The following IWS1 variants were observed in gnomAD, a reference collection of about 807,000 sequenced individuals.
IWS1 encodes interacts with SUPT6H, CTD assembly factor 1, also known as protein IWS1 homolog.
IWS1 carries 27 observed loss-of-function variants against 86.7 expected under a neutral mutation model. The ratio of observed to expected loss-of-function variants is 0.31; its 90% CI spans 0.23 to 0.43. The LOEUF is 0.43. IWS1 is among the 20% of genes least tolerant of loss of function. The pLI is 1.00. For synonymous variants in IWS1, 313 were observed against 335.1 expected, an observed-to-expected ratio of 0.93 and a Z score of 0.72; for missense variants, 827 against 1,000.8, an observed-to-expected ratio of 0.83 and a Z score of 2.34.
chr2:127,489,416 T>A lies in IWS1; in HGVS notation c.2160-181A>T. 1.7e-6 allele frequency: 1 copy of A among 581,656 alleles called. No homozygotes were observed. Among genetic ancestry groups the A allele is most frequent in the African/African-American group, 1.9e-5 (1 of 53,118 alleles). The allele number at this position is 581,656 out of a possible 1,614,324, so 36.0% of individuals were successfully genotyped here. On this transcript the variant is annotated intron_variant, in intron 11 of 13. Transcript: ENST00000295321. The surrounding 1 kb of genome is among the most constrained non-coding windows in gnomAD (Gnocchi z 4.8). The stretch of plus-strand genomic sequence containing the variant: ...TTTTAGTATTCATTTGCATAACAGG[T>A]TTCCTTGTGGATGAGCCGTAATTGC...
rs36048775 is a variant in IWS1, at chr2:127,496,550, TACAC to T, written c.1566-406_1566-403del. 2.2e-3 allele frequency among the ~76,000 whole-genome samples: 309 copies of T among 140,420 alleles called. 2 individuals carry two copies. The highest frequency in any genetic ancestry group is 6.0e-3 in the African/African-American group (230 of 38,040). 92.1% of individuals were successfully genotyped at this position (140,420 alleles called of 152,430 possible). A position where few individuals can be genotyped will look rare whatever the true frequency, so the allele number is the denominator to read the frequency against. Reference sequence around the variant, plus strand: ...TAAACAGGTGTACCATATTTTATCATACACACACACACACACACACACACACACA... The same window carrying T: ...TAAACAGGTGTACCATATTTTATCATACACACACACACACACACACACACA... On this transcript the variant is annotated intron_variant, in intron 6 of 13. Coordinates refer to ENST00000295321, the MANE Select transcript of IWS1 (RefSeq NM_017969.3).
In IWS1 at chr2:127,489,238, G is replaced by GA. The variant is rs747473244; in HGVS notation, c.2160-4dup. ...TTCTGGGTGTCTGACCACCAGTGCT[G>GA]AAAAAAAAGTAAACAAGGAGATACC... On this transcript the variant is annotated splice_region_variant and splice_polypyrimidine_tract_variant and intron_variant, in intron 11 of 13. Coordinates refer to ENST00000295321, the MANE Select transcript of IWS1 (RefSeq NM_017969.3). The surrounding 1 kb of genome is among the most constrained non-coding windows in gnomAD (Gnocchi z 4.8). The GA allele has an allele frequency of 1.3e-5, 21 of 1,605,050 alleles. No homozygotes were observed. Among genetic ancestry groups the GA allele is most frequent in the East Asian group, 2.2e-5 (1 of 44,728 alleles).
intron 13 of IWS1, chr2:127,482,933 C>CA (rs1160949775): frequency 6.6e-6 from 1 of 151,596 alleles, no homozygotes; most frequent in Non-Finnish European, 1.5e-5. Flanking sequence ...AGACACAATG[C>CA]AAAACCACTC....
intron 1 of IWS1, 39 bp from the exon 2 acceptor site, chr2:127,523,830 G>A: frequency 7.4e-7 from 1 of 1,349,320 alleles, no homozygotes; most frequent in Non-Finnish European, 1.1e-6. Context: ...TATGGTGTAA[G>A]ATGAATGACA....
At chr2:127,487,196 A>G (rs2104657089) in intron 12 of IWS1, among the ~76,000 whole-genome samples, 1 of 152,368 alleles carries the variant, frequency 6.6e-6, no homozygotes, top group South Asian at 2.1e-4. Flanking sequence ...GTTGTAAAAA[A>G]TGATAGAGAG....
At chr2:127,516,424 A>G (rs1031863922) in intron 2 of IWS1, among the ~76,000 whole-genome samples, 2 of 152,228 alleles carry the variant, frequency 1.3e-5, no homozygotes, top group South Asian at 2.1e-4. Context: ...AATGAGAAAA[A>G]AAAGAGGACT....
At chr2:127,511,353 C>T (rs886076301) in intron 2 of IWS1, 14 of 152,138 alleles carry the variant, frequency 9.2e-5, no homozygotes, top group South Asian at 4.1e-4. Flanking sequence ...CTATCTATAC[C>T]GTAGAGGGCA....
At chr2:127,493,234 C>A (rs780759208) in intron 9 of IWS1, 47 bp downstream of exon 9, 3 of 1,561,976 alleles carry the variant, frequency 1.9e-6, no homozygotes, top group Admixed American at 3.7e-5. Flanking sequence ...ACCATACAGA[C>A]CACATTAGAT....
rs374163768 is a variant in IWS1 at position 127,507,260 on chromosome 2, A to G, written c.151-1508T>C. 7.2e-5 allele frequency among the ~76,000 whole-genome samples: 11 copies of G among 152,366 alleles called. No individual in the cohort carries two copies. In the East Asian group the frequency reaches 1.9e-3, roughly 27 times the overall value. ...AGTATGCTGTGTCTACAAATTCAAA[A>G]AGAATATGAAAAATTATAAAATAGC... On this transcript the variant is annotated intron_variant, in intron 2 of 13. Transcript: ENST00000295321.
At chr2:127,498,773 A>G (rs1349320852) in intron 5 of IWS1, 1 of 152,248 alleles carries the variant, frequency 6.6e-6, no homozygotes, top group Non-Finnish European at 1.5e-5. Context: ...TCACTACTAC[A>G]GCAAAGATAT....
chr2:127,525,163 G>T (rs1364140950), intron 1 of IWS1, among the ~76,000 whole-genome samples: 1 of 152,020 alleles, frequency 6.6e-6, no homozygotes, highest in Non-Finnish European at 1.5e-5. Context: ...GTCTCACTAT[G>T]TTGCCCAGGC....
intron 2 of IWS1, chr2:127,514,945 C>A (rs1691690416): frequency 6.6e-6 from 1 of 152,264 alleles, no homozygotes; most frequent in Non-Finnish European, 1.5e-5. Context: ...ACTGCTGACC[C>A]CAGAGGTTTC....
intron 6 of IWS1, among the ~76,000 whole-genome samples, chr2:127,497,850 G>A (rs1188840206): frequency 1.3e-5 from 2 of 152,088 alleles, no homozygotes; most frequent in African/African-American, 4.8e-5. Context: ...TCTCAAAAAG[G>A]TATTTTTAAA....
rs1573502481 is a variant in IWS1 at position 127,486,786 on chromosome 2, C to A, written c.2217-122G>T. On this transcript the variant is annotated intron_variant, in intron 12 of 13. Coordinates refer to ENST00000295321, the MANE Select transcript of IWS1 (RefSeq NM_017969.3). Reference sequence around the variant, plus strand: ...AGCTGCAATGTTCGAAACTCCTCTACTCCCCACCAAAGGTCACCCAATCCA... The same window carrying A: ...AGCTGCAATGTTCGAAACTCCTCTAATCCCCACCAAAGGTCACCCAATCCA... The A allele has an allele frequency of 4.0e-6, 3 of 743,376 alleles. No individual in the cohort carries two copies. In the East Asian group the frequency reaches 8.3e-5, roughly 21 times the overall value. 46.0% of individuals were successfully genotyped at this position (743,376 alleles called of 1,614,324 possible).
chr2:127,505,742 C>G lies in IWS1; in HGVS notation c.161G>C (p.Ser54Thr), dbSNP rs1558759054. 6.6e-7 allele frequency: 1 copy of G among 1,524,718 alleles called. No homozygotes were observed. The highest frequency in any genetic ancestry group is 8.8e-7 in the Non-Finnish European group (1 of 1,137,112). 94.4% of individuals were successfully genotyped at this position (1,524,718 alleles called of 1,614,324 possible). Residue 54 changes from serine to threonine, a missense_variant, in exon 3 of 14, where the codon AGT becomes ACT. By Grantham distance (58) the Ser-to-Thr change is moderately conservative. Transcript: ENST00000295321. The surrounding 1 kb of genome is among the most constrained non-coding windows in gnomAD (Gnocchi z 5.0). ...SVERHSENET[S>T]DREDGLPKGH... ...TTTGGGGAGGCCATCTTCTCGATCA[C>G]TAGTTTCATTCTGAAAAATAAAGTG...
chr2:127,523,073 G>T (rs1692188310), intron 2 of IWS1, among the ~76,000 whole-genome samples: 1 of 152,148 alleles, frequency 6.6e-6, no homozygotes, highest in Non-Finnish European at 1.5e-5. Flanking sequence ...GCTGGACGTG[G>T]TGGCCTGTGC....
intron 10 of IWS1, among the ~76,000 whole-genome samples, chr2:127,491,658 T>C (rs1690233766): frequency 6.6e-6 from 1 of 152,176 alleles, no homozygotes; most frequent in African/African-American, 2.4e-5. Flanking sequence ...TTAGCTAGGA[T>C]GGTCTCGATC....
chr2:127,502,769 A>C (rs781721297), intron 5 of IWS1, 46 bp downstream of exon 5: 2 of 1,054,566 alleles, frequency 1.9e-6, no homozygotes, highest in Non-Finnish European at 2.9e-6. Flanking sequence ...TAAAAACACC[A>C]AAAAAAAGCA....
At chr2:127,521,005 A>T (rs1469734458) in intron 2 of IWS1, among the ~76,000 whole-genome samples, 1 of 152,258 alleles carries the variant, frequency 6.6e-6, no homozygotes, top group Non-Finnish European at 1.5e-5. Context: ...CACACCTGTA[A>T]TTCCAGCACT....
Sources: gnomAD v4.1 joint callset for allele counts (sites outside exome capture counted in the v4.1 genomes callset) on GRCh38, gnomAD v4.1.1 for gene constraint, Gnocchi (gnomAD v3.1) non-coding constraint, MANE v1.5 for transcripts, NCBI Gene and HGNC (gene_info 2026-07-23, HGNC 2026-07-21) for gene names.